Variants in TM9SF4 observed in about 807,000 individuals in gnomAD.
TM9SF4 encodes transmembrane 9 superfamily member 4, also known as dinucleotide oxidase disulfide thiol exchanger 3 superfamily member 4.
Under a neutral mutation model 90.4 loss-of-function variants are expected in TM9SF4, and 26 were observed. The observed-to-expected ratio is 0.29, with a 90% CI of 0.21 to 0.40. The LOEUF is 0.40. TM9SF4 is among the 10% of genes least tolerant of loss of function. TM9SF4 has a pLI of 1.00. For synonymous variants in TM9SF4, 293 were observed against 315.4 expected (o/e 0.93, Z 0.75); for missense variants, 549 against 834.8 (o/e 0.66, Z 4.22).
At chr20:32,143,570 G>A (rs146231716) in intron 6 of TM9SF4, among the ~76,000 whole-genome samples, 67 of 152,272 alleles carry the variant, frequency 4.4e-4, no homozygotes, top group African/African-American at 1.4e-3. Flanking sequence ...TTTGCCCAGG[G>A]TCAACAGGTG....
In TM9SF4 at chr20:32,166,280, A is replaced by T. The variant is rs2047097233; in HGVS notation, c.*836A>T. The T allele has an allele frequency of 6.5e-6, 1 of 152,856 alleles. No individual in the cohort carries two copies. The highest frequency in any genetic ancestry group is 1.5e-5 in the Non-Finnish European group (1 of 68,200). 9.5% of individuals were successfully genotyped at this position (152,856 alleles called of 1,614,324 possible). ...CCTGGGGCCAAGTATTTCCCAAGCC[A>T]AGCATCCACTTGTCTGTGTCTGGGA... On this transcript the variant is annotated 3_prime_UTR_variant, in exon 18 of 18. Coordinates refer to ENST00000398022, the MANE Select transcript of TM9SF4 (RefSeq NM_014742.4).
intron 1 of TM9SF4, among the ~76,000 whole-genome samples, chr20:32,118,909 C>G (rs1235316070): frequency 6.6e-6 from 1 of 151,788 alleles, no homozygotes; most frequent in Non-Finnish European, 1.5e-5. Flanking sequence ...GATTATAGTC[C>G]TGAGCTACTC....
At chr20:32,128,570 C>T (rs2046456678) in intron 1 of TM9SF4, among the ~76,000 whole-genome samples, 1 of 152,134 alleles carries the variant, frequency 6.6e-6, no homozygotes. Flanking sequence ...TAAGTAATTT[C>T]TCATCCGTCA....
intron 1 of TM9SF4, among the ~76,000 whole-genome samples, chr20:32,126,731 TTTC>T (rs2046427977): frequency 8.4e-6 from 1 of 119,190 alleles, no homozygotes; most frequent in Admixed American, 8.6e-5. Context: ...GGTGAACTAA[TTTC>T]TTTTTTTTTT....
intron 3 of TM9SF4, among the ~76,000 whole-genome samples, chr20:32,141,074 G>A (rs1287896887): frequency 3.3e-5 from 5 of 151,864 alleles, no homozygotes; most frequent in African/African-American, 1.2e-4. Flanking sequence ...AAAATTAGCC[G>A]GGCGTGGTGG....
At chr20:32,135,960 C>A in intron 2 of TM9SF4, 114 bp from the exon 3 acceptor site, 1 of 800,606 alleles carries the variant, frequency 1.2e-6, no homozygotes, top group Non-Finnish European at 2.1e-6. Context: ...TAGTGTACTG[C>A]TGTCATTTCT....
intron 1 of TM9SF4, among the ~76,000 whole-genome samples, chr20:32,118,086 T>C (rs1413448905): frequency 1.3e-5 from 2 of 152,200 alleles, no homozygotes; most frequent in African/African-American, 4.8e-5. Flanking sequence ...ATCAGGAATA[T>C]AGAAGGTGAT....
At chr20:32,155,621 T>G (rs2046908114) in intron 13 of TM9SF4, among the ~76,000 whole-genome samples, 1 of 152,160 alleles carries the variant, frequency 6.6e-6, no homozygotes, top group Non-Finnish European at 1.5e-5. Flanking sequence ...GTATTACCCT[T>G]AGAGCTGGGA....
intron 3 of TM9SF4, among the ~76,000 whole-genome samples, chr20:32,140,015 T>C (rs957541686): frequency 3.9e-5 from 6 of 152,254 alleles, no homozygotes; most frequent in Non-Finnish European, 7.3e-5. Context: ...TGCTAGGCCA[T>C]GCACTCTATG....
At chr20:32,143,255 T>A in intron 6 of TM9SF4, 150 bp downstream of exon 6, 1 of 1,018,954 alleles carries the variant, frequency 9.8e-7, no homozygotes, top group Non-Finnish European at 1.4e-6. Flanking sequence ...GTATTCTCAT[T>A]AGAGAAGACG....
At chr20:32,126,340 A>C (rs2046422096) in intron 1 of TM9SF4, among the ~76,000 whole-genome samples, 1 of 152,172 alleles carries the variant, frequency 6.6e-6, no homozygotes, top group South Asian at 2.1e-4. Flanking sequence ...AAGTGATTTA[A>C]ATGCACATTA....
intron 9 of TM9SF4, among the ~76,000 whole-genome samples, chr20:32,147,463 A>G (rs2046779828): frequency 6.6e-6 from 1 of 152,244 alleles, no homozygotes; most frequent in Non-Finnish European, 1.5e-5. Flanking sequence ...ATACATAAAC[A>G]AAACAGAAGG....
In TM9SF4 at chr20:32,165,718, G is replaced by T; in HGVS notation, c.*274G>T. 1 of 429,652 alleles carries T rather than the reference G, an allele frequency of 2.3e-6. No individual in the cohort carries two copies. Among genetic ancestry groups the T allele is most frequent in the South Asian group, 3.1e-5 (1 of 31,756 alleles). The allele number at this position is 429,652 out of a possible 1,614,324, so 26.6% of individuals were successfully genotyped here. ...AAGTTCCCTCCAACAGGAACTCTCT[G>T]ACCTGTTTATTCAGGTGTATTTCTG... On this transcript the variant is annotated 3_prime_UTR_variant, in exon 18 of 18. Coordinates refer to ENST00000398022, the MANE Select transcript of TM9SF4 (RefSeq NM_014742.4).
chr20:32,150,911 G>C, intron 12 of TM9SF4, 36 bp downstream of exon 12: 1 of 1,610,428 alleles, frequency 6.2e-7, no homozygotes, highest in African/African-American at 1.3e-5. Context: ...TTGGTGGGAA[G>C]CAGAGAAGCT....
At chr20:32,126,274 G>C (rs915719850) in intron 1 of TM9SF4, among the ~76,000 whole-genome samples, 3 of 152,080 alleles carry the variant, frequency 2.0e-5, no homozygotes, top group African/African-American at 7.2e-5. Flanking sequence ...GAAATGCAGA[G>C]TCTCAGGCCC....
At position 32,158,493 on chromosome 20, in the gene TM9SF4, C is replaced by T. The variant is rs775463182; in HGVS notation, c.1548C>T (p.Ile516=). Residue 516 remains isoleucine, a synonymous_variant, in exon 15 of 18, where the codon ATC becomes ATT. Transcript: ENST00000398022. ...AGILPFGAMF[I]ELFFIFSAIW... ...TCTTGCCCTTCGGCGCCATGTTCAT[C>T]GAGCTCTTCTTCATCTTCAGTGTGA... 9.9e-6 allele frequency: 16 copies of T among 1,614,070 alleles called. No homozygotes were observed. Among genetic ancestry groups the T allele is most frequent in the African/African-American group, 5.3e-5 (4 of 74,922 alleles).
chr20:32,137,287 C>G (rs1004276889), intron 3 of TM9SF4, among the ~76,000 whole-genome samples: 2 of 152,206 alleles, frequency 1.3e-5, no homozygotes, highest in African/African-American at 4.8e-5. Context: ...GCCTGACCCA[C>G]TTGGTGCCCC....
chr20:32,159,457 AC>A (rs1249999790), intron 15 of TM9SF4: 1 of 155,824 alleles, frequency 6.4e-6, no homozygotes, highest in African/African-American at 2.4e-5. Flanking sequence ...AGACCACCTC[AC>A]CCACACAGGT....
intron 1 of TM9SF4, among the ~76,000 whole-genome samples, chr20:32,121,865 C>G (rs2046314587): frequency 6.7e-6 from 1 of 149,254 alleles, no homozygotes; most frequent in Non-Finnish European, 1.5e-5. Flanking sequence ...GACGGGGCGG[C>G]TGGCCGGGCG....
Sources: allele counts gnomAD v4.1 joint callset (sites outside exome capture counted in the v4.1 genomes callset), GRCh38; gene constraint gnomAD v4.1.1; transcripts MANE v1.5; gene names NCBI Gene and HGNC (gene_info 2026-07-23, HGNC 2026-07-21).